Variants in AFF3 observed in about 807,000 individuals in gnomAD.
AFF3 encodes AF4/FMR2 family member 3.
A neutral mutation model predicts 129.7 loss-of-function variants in AFF3; 32 were observed. The observed-to-expected ratio is 0.25, with a 90% CI of 0.19 to 0.33. AFF3 has a LOEUF of 0.33. Ranked by LOEUF, AFF3 falls within the 10% of genes least tolerant of loss-of-function variation. The probability of loss-of-function intolerance (pLI) is 1.00; values close to 1 mark genes in which losing one functional copy is unlikely to be tolerated. For missense variants in AFF3, 1,373 were observed against 1,592.0 expected, an observed-to-expected ratio of 0.86 and a Z score of 2.34; for synonymous variants, 644 against 635.4, an observed-to-expected ratio of 1.01 and a Z score of -0.20.
chr2:99,862,246 G>A (rs551855527), intron 7 of AFF3, among the ~76,000 whole-genome samples: 4 of 152,170 alleles, frequency 2.6e-5, no homozygotes, highest in South Asian at 2.1e-4. Flanking sequence ...GTCAAAACAC[G>A]GGGTAGAGTT....
intron 2 of AFF3, among the ~76,000 whole-genome samples, chr2:100,127,901 A>G (rs1286333685): frequency 6.6e-6 from 1 of 152,172 alleles, no homozygotes; most frequent in Non-Finnish European, 1.5e-5. Context: ...ATTCTAATTC[A>G]CAGGATGAGA....
At chr2:99,675,618 T>G (rs376256053) in intron 11 of AFF3, among the ~76,000 whole-genome samples, 2 of 152,214 alleles carry the variant, frequency 1.3e-5, no homozygotes, top group African/African-American at 4.8e-5. Context: ...ATGCTGAACA[T>G]ATCCAAGTGG....
At chr2:100,000,766 T>C (rs1422384952) in intron 7 of AFF3, among the ~76,000 whole-genome samples, 1 of 152,162 alleles carries the variant, frequency 6.6e-6, no homozygotes, top group Admixed American at 6.5e-5. Flanking sequence ...ACTGAGGCCC[T>C]GAGGAATTAA....
chr2:99,597,801 G>A (rs752972495), intron 14 of AFF3, among the ~76,000 whole-genome samples: 5 of 152,194 alleles, frequency 3.3e-5, no homozygotes, highest in Non-Finnish European at 5.9e-5. Context: ...CAAGGTTCTG[G>A]TTTGTTTGCT....
chr2:99,672,731 T>C, intron 11 of AFF3, 142 bp from the exon 12 acceptor site: 2 of 787,130 alleles, frequency 2.5e-6, no homozygotes, highest in Non-Finnish European at 4.1e-6. Context: ...TTTTTTTCTT[T>C]CCTTCTTATG....
At chr2:100,069,630 C>T (rs1430459839) in intron 4 of AFF3, among the ~76,000 whole-genome samples, 1 of 152,158 alleles carries the variant, frequency 6.6e-6, no homozygotes, top group East Asian at 1.9e-4. Flanking sequence ...GTTTAGCCAT[C>T]TCCTATTTTC....
intron 7 of AFF3, among the ~76,000 whole-genome samples, chr2:99,850,126 T>C (rs937328526): frequency 1.3e-5 from 2 of 150,878 alleles, no homozygotes; most frequent in Non-Finnish European, 2.9e-5. Flanking sequence ...ATGCTTGTAA[T>C]CTGTCTGTTA....
chr2:99,578,010 C>T (rs1201152722), intron 18 of AFF3, among the ~76,000 whole-genome samples: 3 of 152,060 alleles, frequency 2.0e-5, no homozygotes, highest in South Asian at 2.1e-4. Context: ...AGCATAAAAC[C>T]GCCAACAGCC....
intron 12 of AFF3, among the ~76,000 whole-genome samples, chr2:99,666,911 C>T (rs573875948): frequency 2.0e-5 from 3 of 152,086 alleles, no homozygotes; most frequent in Non-Finnish European, 4.4e-5. Flanking sequence ...GAAAACAACC[C>T]GATTGAATAG....
At chr2:100,122,423 T>C (rs753408106) in intron 2 of AFF3, among the ~76,000 whole-genome samples, 31 of 152,240 alleles carry the variant, frequency 2.0e-4, no homozygotes, top group South Asian at 4.1e-4. Context: ...CTAAAACCTA[T>C]GTGTTATTGT....
Position 99,852,201 on chromosome 2 carries a change from C to T in AFF3, c.874-14677G>A, listed in dbSNP as rs963522145. ...TAAAAGGAAAGTCCTAGAGTCAGCC[C>T]TGATCAATACAGCCTCTCCTGCTTC... On this transcript the variant is annotated intron_variant, in intron 7 of 24. Transcript: ENST00000672756. 3.9e-5 allele frequency among the ~76,000 whole-genome samples: 6 copies of T among 152,222 alleles called. 1 individual carries two copies. The South Asian group carries it at 1.2e-3, about 32-fold the overall frequency.
rs570451540 is a variant in AFF3 at position 99,552,221 on chromosome 2, A to C, written c.3560-626T>G. On this transcript the variant is annotated intron_variant, in intron 24 of 24. Transcript: ENST00000672756. ...GACAACATGGCAAAACCCTGTCTCT[A>C]CTAAAGATACAAACAAACATTAGCC... Among the ~76,000 whole-genome samples the C allele has an allele frequency of 1.1e-4, 16 of 152,266 alleles. No homozygotes were observed. The South Asian group carries it at 3.3e-3, about 32-fold the overall frequency.
chr2:100,103,393 C>T (rs1690897083), intron 4 of AFF3, among the ~76,000 whole-genome samples: 1 of 151,298 alleles, frequency 6.6e-6, no homozygotes, highest in East Asian at 1.9e-4. Context: ...AGTTAATATG[C>T]TTGTTCCAGC....
At chr2:99,870,344 T>C (rs989317251) in intron 7 of AFF3, among the ~76,000 whole-genome samples, 1 of 152,238 alleles carries the variant, frequency 6.6e-6, no homozygotes, top group Non-Finnish European at 1.5e-5. Context: ...CACAACCCTC[T>C]GGACCTAGAT....
At chr2:99,735,959 T>C (rs529734343) in intron 10 of AFF3, among the ~76,000 whole-genome samples, 22 of 152,352 alleles carry the variant, frequency 1.4e-4, no homozygotes, top group African/African-American at 4.8e-4. Flanking sequence ...AGTCATATTT[T>C]CATTATCAAT....
intron 13 of AFF3, among the ~76,000 whole-genome samples, chr2:99,646,249 C>G (rs891341819): frequency 6.6e-6 from 1 of 152,108 alleles, no homozygotes; most frequent in South Asian, 2.1e-4. Context: ...GTGAAATGAG[C>G]CCATGGATGA....
intron 7 of AFF3, among the ~76,000 whole-genome samples, chr2:99,888,843 C>T (rs555441738): frequency 3.3e-5 from 5 of 152,212 alleles, no homozygotes; most frequent in African/African-American, 4.8e-5. Flanking sequence ...GGCAACAAGA[C>T]ACTTAATCAA....
At chr2:99,709,552 T>C (rs1558772411) in intron 11 of AFF3, among the ~76,000 whole-genome samples, 1 of 152,182 alleles carries the variant, frequency 6.6e-6, no homozygotes, top group African/African-American at 2.4e-5. Context: ...TGCAGTCAAA[T>C]GGGTATTTTA....
intron 8 of AFF3, among the ~76,000 whole-genome samples, chr2:99,785,488 T>A (rs1468324209): frequency 6.6e-6 from 1 of 152,186 alleles, no homozygotes; most frequent in Non-Finnish European, 1.5e-5. Flanking sequence ...AATAAAACTT[T>A]ACTCTCTCCT....
Sources: gnomAD v4.1 joint callset for allele counts (sites outside exome capture counted in the v4.1 genomes callset) on GRCh38, gnomAD v4.1.1 for gene constraint, MANE v1.5 for transcripts, NCBI Gene and HGNC (gene_info 2026-07-23, HGNC 2026-07-21) for gene names.